Variants in HSPA12B observed in about 807,000 individuals in gnomAD.
HSPA12B encodes the protein heat shock 70 kDa protein 12B.
HSPA12B carries 54 observed loss-of-function variants against 69.3 expected under a neutral mutation model. The observed-to-expected ratio is 0.78, with a 90% CI of 0.63 to 0.98. The LOEUF is 0.98. HSPA12B is among the 50% of genes least tolerant of loss of function. HSPA12B has a pLI of 0.00. For missense variants in HSPA12B, 929 were observed against 999.8 expected, an observed-to-expected ratio of 0.93 and a Z score of 0.96; for synonymous variants, 441 against 436.5, an observed-to-expected ratio of 1.01 and a Z score of -0.13.
rs115042262 is a variant in HSPA12B at position 3,737,726 on chromosome 20, G to A, written c.-17-932G>A. ...CAAAACAAACAAACAACGAAGGCCAGGCACGGTGGCTCATGCCTGTAATCC... is the reference window on the plus strand; with the variant it reads ...CAAAACAAACAAACAACGAAGGCCAAGCACGGTGGCTCATGCCTGTAATCC... On this transcript the variant is annotated intron_variant, in intron 1 of 12. Coordinates refer to ENST00000254963, the MANE Select transcript of HSPA12B (RefSeq NM_052970.5). The surrounding 1 kb of genome is among the most constrained non-coding windows in gnomAD (Gnocchi z 4.1). 2.8e-3 allele frequency among the ~76,000 whole-genome samples: 423 copies of A among 152,332 alleles called. 3 individuals carry two copies. The highest frequency in any genetic ancestry group is 9.7e-3 in the African/African-American group (405 of 41,572).
chr20:3,749,862 G>C lies in HSPA12B; in HGVS notation c.1042+8G>C. On this transcript the variant is annotated splice_region_variant and intron_variant, in intron 10 of 12. Transcript: ENST00000254963. The surrounding 1 kb of genome is among the most constrained non-coding windows in gnomAD (Gnocchi z 5.5). ...AGCTCTACAAGGCATCTGGTGAGTA[G>C]CCAGGCGGCGCCCCGGTACCCAGCG... 6.3e-7 allele frequency: 1 copy of C among 1,592,074 alleles called. No homozygotes were observed. Among genetic ancestry groups the C allele is most frequent in the Non-Finnish European group, 8.5e-7 (1 of 1,169,798 alleles).
chr20:3,733,684 T>A (rs1373865147), intron 1 of HSPA12B, among the ~76,000 whole-genome samples: 1 of 152,164 alleles, frequency 6.6e-6, no homozygotes, highest in East Asian at 1.9e-4. Flanking sequence ...GGGGCAGCCC[T>A]TTGGGTGCCG....
rs893966045 is a variant in HSPA12B, at chr20:3,745,199, G to C, written c.453+111G>C. On this transcript the variant is annotated intron_variant, in intron 5 of 12. Coordinates refer to ENST00000254963, the MANE Select transcript of HSPA12B (RefSeq NM_052970.5). This position sits in a 1 kb window ranked among gnomAD's most constrained non-coding sequence, Gnocchi z 5.6. ...GTGTGAGGACCGGCCCGATGGAGTC[G>C]TGGCTGAGAGGGGGCGGGGCTAAAG... is the stretch of plus-strand genomic sequence containing the variant. 7 of 1,003,352 alleles carry C rather than the reference G, an allele frequency of 7.0e-6. No homozygotes were observed. Among genetic ancestry groups the C allele is most frequent in the Non-Finnish European group, 1.0e-5 (7 of 675,636 alleles). The allele number at this position is 1,003,352 out of a possible 1,614,324, so 62.2% of individuals were successfully genotyped here.
intron 8 of HSPA12B, among the ~76,000 whole-genome samples, chr20:3,748,678 C>T (rs549892001): frequency 6.6e-5 from 10 of 152,216 alleles, no homozygotes; most frequent in East Asian, 3.9e-4. Flanking sequence ...GGCAGGACTC[C>T]GCCCAGCCCT....
chr20:3,749,254 C>T lies in HSPA12B; in HGVS notation c.873C>T (p.Ser291=). 1.9e-6 allele frequency: 3 copies of T among 1,613,518 alleles called. No individual in the cohort carries two copies. The highest frequency in any genetic ancestry group is 2.5e-6 in the Non-Finnish European group (3 of 1,179,804). The part of the protein sequence containing the change: ...FRQAREQLRR[S]RHSRTFLVES... The stretch of plus-strand genomic sequence containing the variant: ...CAGCTCGGGAGCAGCTGCGAAGGTC[C>T]CGCCACAGCCGCACGTTCCTGGTGG... Residue 291 remains serine, a synonymous_variant, in exon 9 of 13, where the codon TCC becomes TCT. Coordinates refer to ENST00000254963, the MANE Select transcript of HSPA12B (RefSeq NM_052970.5). This position sits in a 1 kb window ranked among gnomAD's most constrained non-coding sequence, Gnocchi z 5.5.
rs1389814496 is a variant in HSPA12B, at chr20:3,750,244, C to A, written c.1301+17C>A. The A allele has an allele frequency of 1.4e-5, 22 of 1,570,384 alleles. No homozygotes were observed. The highest frequency in any genetic ancestry group is 1.7e-4 in the Middle Eastern group (1 of 5,912). ...CAGGAGCAGGTGGGTCCTGAGCCCGCGGGCTCAGGCAGGGTTTGCCGACCC... is the reference window on the plus strand; with the variant it reads ...CAGGAGCAGGTGGGTCCTGAGCCCGAGGGCTCAGGCAGGGTTTGCCGACCC... On this transcript the variant is annotated intron_variant, in intron 11 of 12. Coordinates refer to ENST00000254963, the MANE Select transcript of HSPA12B (RefSeq NM_052970.5).
chr20:3,752,254 A>G lies in HSPA12B; in HGVS notation c.*88A>G, dbSNP rs1005735847. 42 of 1,266,360 alleles carry G rather than the reference A, an allele frequency of 3.3e-5. No individual in the cohort carries two copies. The African/African-American group carries it at 6.3e-4, about 19-fold the overall frequency. 78.4% of individuals were successfully genotyped at this position (1,266,360 alleles called of 1,614,324 possible). On this transcript the variant is annotated 3_prime_UTR_variant, in exon 13 of 13. Coordinates refer to ENST00000254963, the MANE Select transcript of HSPA12B (RefSeq NM_052970.5). ...TGCGGAGCGGGTTGGGGCGGGGGAAACGATAGTTCTGCAGTCTGCGCCTTT... is the reference window on the plus strand; with the variant it reads ...TGCGGAGCGGGTTGGGGCGGGGGAAGCGATAGTTCTGCAGTCTGCGCCTTT...
At chr20:3,743,896 A>G (rs1339527769) in intron 4 of HSPA12B, among the ~76,000 whole-genome samples, 3 of 152,176 alleles carry the variant, frequency 2.0e-5, no homozygotes, top group Non-Finnish European at 2.9e-5. Flanking sequence ...AGAAAAAATA[A>G]TAAAACAAGA....
In HSPA12B at chr20:3,749,130, C is replaced by A; in HGVS notation, c.851-102C>A. Reference sequence around the variant, plus strand: ...GTTGGAGTTTCAGGAGCACTGGCTGCTCCCAGTGCCCATGGAGGTCCTGGG... The same window carrying A: ...GTTGGAGTTTCAGGAGCACTGGCTGATCCCAGTGCCCATGGAGGTCCTGGG... On this transcript the variant is annotated intron_variant, in intron 8 of 12. Transcript: ENST00000254963. This position sits in a 1 kb window ranked among gnomAD's most constrained non-coding sequence, Gnocchi z 5.5. 1 of 989,974 alleles carries A rather than the reference C, an allele frequency of 1.0e-6. No individual in the cohort carries two copies. The highest frequency in any genetic ancestry group is 2.1e-5 in the Admixed American group (1 of 46,582). The allele number at this position is 989,974 out of a possible 1,614,324, so 61.3% of individuals were successfully genotyped here. A position where few individuals can be genotyped will look rare whatever the true frequency, so the allele number is the denominator to read the frequency against.
chr20:3,735,685 C>T (rs918950473), intron 1 of HSPA12B, among the ~76,000 whole-genome samples: 9 of 152,050 alleles, frequency 5.9e-5, no homozygotes, highest in East Asian at 1.9e-4. Context: ...AGGCTGGTCT[C>T]GAATTCCTGA....
chr20:3,748,990 A>C (rs1389980737), intron 8 of HSPA12B, among the ~76,000 whole-genome samples: 1 of 152,054 alleles, frequency 6.6e-6, no homozygotes, highest in Non-Finnish European at 1.5e-5. Context: ...TTTTGCCATG[A>C]CCTGAGACCT....
chr20:3,751,074 G>A (rs928885216), intron 12 of HSPA12B, among the ~76,000 whole-genome samples, 167 bp downstream of exon 12: 1 of 152,254 alleles, frequency 6.6e-6, no homozygotes, highest in African/African-American at 2.4e-5. Flanking sequence ...TTAAGAGCTA[G>A]AGGGTTGATA....
intron 7 of HSPA12B, among the ~76,000 whole-genome samples, chr20:3,747,256 A>ACC (rs1391848312): frequency 6.6e-6 from 1 of 151,864 alleles, no homozygotes; most frequent in Non-Finnish European, 1.5e-5. Context: ...CCCTGGAGGG[A>ACC]CCCCCAATCC....
At chr20:3,742,928 C>T (rs2146568898) in intron 4 of HSPA12B, among the ~76,000 whole-genome samples, 1 of 151,884 alleles carries the variant, frequency 6.6e-6, no homozygotes, top group Admixed American at 6.6e-5. Flanking sequence ...GGCTGGAGTG[C>T]AGTGACGCAA....
intron 12 of HSPA12B, 32 bp from the exon 13 acceptor site, chr20:3,751,479 C>A (rs772796651): frequency 1.4e-6 from 2 of 1,381,700 alleles, no homozygotes; most frequent in Admixed American, 7.0e-5. Context: ...CCTCTGCCCC[C>A]TTCACCCGCG....
In HSPA12B at chr20:3,744,773, C is replaced by T. The variant is rs2088264847; in HGVS notation, c.267-129C>T. ...GCATTCTTGTGTTTTCTCCTGCTGC[C>T]TATGGAGCCGACCCATAGCTAGTTC... On this transcript the variant is annotated intron_variant, in intron 4 of 12. Transcript: ENST00000254963. This position sits in a 1 kb window ranked among gnomAD's most constrained non-coding sequence, Gnocchi z 4.9. 5.2e-6 allele frequency: 4 copies of T among 763,938 alleles called. No individual in the cohort carries two copies. In the Admixed American group the frequency reaches 1.0e-4, roughly 19 times the overall value. 47.3% of individuals were successfully genotyped at this position (763,938 alleles called of 1,614,324 possible). A position where few individuals can be genotyped will look rare whatever the true frequency, so the allele number is the denominator to read the frequency against.
In HSPA12B at chr20:3,740,711, A is replaced by G. The variant is rs1753377777; in HGVS notation, c.44-104A>G. On this transcript the variant is annotated intron_variant, in intron 2 of 12. Coordinates refer to ENST00000254963, the MANE Select transcript of HSPA12B (RefSeq NM_052970.5). This position sits in a 1 kb window ranked among gnomAD's most constrained non-coding sequence, Gnocchi z 4.9. ...TCCCCAGCAGAGAGCCCTTTGCCTT[A>G]GCCCAGCAAGGACTGATGGAGAACC... 2 of 861,314 alleles carry G rather than the reference A, an allele frequency of 2.3e-6. No homozygotes were observed. The highest frequency in any genetic ancestry group is 3.8e-6 in the Non-Finnish European group (2 of 526,268). The allele number at this position is 861,314 out of a possible 1,614,324, so 53.4% of individuals were successfully genotyped here.
chr20:3,738,571 A>G, intron 1 of HSPA12B, 87 bp from the exon 2 acceptor site: 1 of 1,353,476 alleles, frequency 7.4e-7, no homozygotes, highest in South Asian at 1.2e-5. Flanking sequence ...CTCCAGCCAA[A>G]AGTAAACAAA....
chr20:3,745,012 A>G lies in HSPA12B; in HGVS notation c.377A>G (p.Tyr126Cys), dbSNP rs2088270263. Residue 126 changes from tyrosine (Y) to cysteine (C), a missense_variant, in exon 5 of 13, where the codon TAC becomes TGC. Physicochemically the swap from Tyr to Cys is radical, Grantham distance 194. This residue lies in a region of HSPA12B where 477 missense variants were observed against 535.2 expected (regional missense o/e 0.89). Coordinates refer to ENST00000254963, the MANE Select transcript of HSPA12B (RefSeq NM_052970.5). The surrounding 1 kb of genome is among the most constrained non-coding windows in gnomAD (Gnocchi z 5.6). ...HSFGYTARDY[Y>C]HDLDPEEARD... ...TTTGGCTACACCGCCCGCGATTACTACCATGACCTGGACCCCGAAGAGGCG... is the reference window on the plus strand; with the variant it reads ...TTTGGCTACACCGCCCGCGATTACTGCCATGACCTGGACCCCGAAGAGGCG... The G allele has an allele frequency of 6.2e-7, 1 of 1,613,834 alleles. No individual in the cohort carries two copies. Among genetic ancestry groups the G allele is most frequent in the Non-Finnish European group, 8.5e-7 (1 of 1,180,030 alleles).
Sources: allele counts gnomAD v4.1 joint callset (sites outside exome capture counted in the v4.1 genomes callset), GRCh38; gene constraint gnomAD v4.1.1; regional missense constraint gnomAD v4.1.1; non-coding constraint Gnocchi (gnomAD v3.1); transcripts MANE v1.5; gene names NCBI Gene and HGNC (gene_info 2026-07-23, HGNC 2026-07-21).